The following RNFT2 variants were observed in gnomAD, a reference collection of about 807,000 sequenced individuals.
RNFT2 encodes ring finger protein, transmembrane 2.
A neutral mutation model predicts 53.0 loss-of-function variants in RNFT2; 36 were observed. That is an observed-to-expected ratio of 0.68 (90% CI 0.52 to 0.90). RNFT2 has a LOEUF of 0.90. Among genes scored for constraint, RNFT2 ranks in the 40% least tolerant of loss-of-function variants. The pLI, the probability that RNFT2 is intolerant of heterozygous loss-of-function variation, is 0.00. For missense variants in RNFT2, 514 were observed against 585.6 expected (o/e 0.88, Z 1.26); for synonymous variants, 260 against 253.2 (o/e 1.03, Z -0.26).
At chr12:116,745,461 C>T (rs1871853823) in intron 3 of RNFT2, among the ~76,000 whole-genome samples, 1 of 152,102 alleles carries the variant, frequency 6.6e-6, no homozygotes, top group South Asian at 2.1e-4. Context: ...ATGTGTGAGC[C>T]ACCACACCCA....
chr12:116,809,347 T>A (rs1250003786), intron 7 of RNFT2, among the ~76,000 whole-genome samples: 1 of 152,196 alleles, frequency 6.6e-6, no homozygotes, highest in African/African-American at 2.4e-5. Flanking sequence ...GGAGAGGTCC[T>A]TCCACTTCGT....
At chr12:116,798,796 G>A (rs112278267) in intron 7 of RNFT2, among the ~76,000 whole-genome samples, 3,471 of 148,170 alleles carry the variant, frequency 0.023, 139 homozygotes, top group African/African-American at 0.081. Context: ...GGCTGGGCTC[G>A]AACTCCTAAG....
chr12:116,800,151 C>A (rs899593922), intron 7 of RNFT2, among the ~76,000 whole-genome samples: 1 of 152,058 alleles, frequency 6.6e-6, no homozygotes, highest in African/African-American at 2.4e-5. Flanking sequence ...TGCCATGCTC[C>A]CCCTACAGTC....
At chr12:116,772,066 A>G (rs7314309) in intron 6 of RNFT2, among the ~76,000 whole-genome samples, 144,791 of 152,212 alleles carry the variant, frequency 0.95, 68,916 homozygotes, top group African/African-American at 0.98. Context: ...TGCCCCATCA[A>G]TATTTGTCAA....
intron 7 of RNFT2, among the ~76,000 whole-genome samples, chr12:116,806,397 T>TATATATAGATAG (rs1166246066): frequency 2.3e-5 from 3 of 131,650 alleles, no homozygotes; most frequent in African/African-American, 6.0e-5. Flanking sequence ...TATATATATA[T>TATATATAGATAG]ATAGATAGAT....
At chr12:116,783,225 C>T (rs940188493) in intron 7 of RNFT2, among the ~76,000 whole-genome samples, 3 of 152,214 alleles carry the variant, frequency 2.0e-5, no homozygotes, top group African/African-American at 4.8e-5. Context: ...CTCAGGTCTG[C>T]CTTATGCCAA....
At chr12:116,750,336 C>T in intron 4 of RNFT2, 29 bp downstream of exon 4, 2 of 1,568,640 alleles carry the variant, frequency 1.3e-6, no homozygotes, top group South Asian at 2.3e-5. Flanking sequence ...GGTGTCCTAG[C>T]CATGGGCTTC....
chr12:116,747,956 C>G (rs1238304521), intron 3 of RNFT2, among the ~76,000 whole-genome samples: 1 of 152,038 alleles, frequency 6.6e-6, no homozygotes, highest in African/African-American at 2.4e-5. Context: ...TTTGGGAGGC[C>G]GAGGCGGGCA....
At chr12:116,787,168 C>CA (rs1404470337) in intron 7 of RNFT2, among the ~76,000 whole-genome samples, 1 of 152,080 alleles carries the variant, frequency 6.6e-6, no homozygotes, top group East Asian at 1.9e-4. Context: ...ATAGTTTGTC[C>CA]AAAAAACACC....
intron 3 of RNFT2, among the ~76,000 whole-genome samples, chr12:116,745,780 T>C (rs1346626491): frequency 3.9e-5 from 6 of 152,370 alleles, no homozygotes; most frequent in South Asian, 2.1e-4. Context: ...TGCCTGTTCA[T>C]GTATTCTTTC....
chr12:116,769,534 T>A (rs1008378371), intron 6 of RNFT2, among the ~76,000 whole-genome samples: 2 of 152,196 alleles, frequency 1.3e-5, no homozygotes, highest in Non-Finnish European at 2.9e-5. Flanking sequence ...TGTACGTTTA[T>A]GTCTTAAGTT....
At chr12:116,749,760 T>C in intron 3 of RNFT2, 81 bp from the exon 4 acceptor site, 1 of 1,224,376 alleles carries the variant, frequency 8.2e-7, no homozygotes, top group Non-Finnish European at 1.2e-6. Flanking sequence ...ATAATTGATA[T>C]TATTAGTCCC....
intron 5 of RNFT2, among the ~76,000 whole-genome samples, chr12:116,763,713 A>G (rs1321662828): frequency 6.6e-6 from 1 of 151,414 alleles, no homozygotes; most frequent in Non-Finnish European, 1.5e-5. Context: ...TGGGAGTTGG[A>G]ACTTGCAGTG....
intron 5 of RNFT2, among the ~76,000 whole-genome samples, chr12:116,760,595 A>G (rs535790429): frequency 1.3e-5 from 2 of 152,214 alleles, no homozygotes; most frequent in African/African-American, 4.8e-5. Context: ...TTCTCCTGCA[A>G]ACAGACCTTC....
In RNFT2 at chr12:116,779,292, G is replaced by A. The variant is rs776528264; in HGVS notation, c.826G>A (p.Ala276Thr). The A allele has an allele frequency of 5.6e-6, 9 of 1,613,860 alleles. No homozygotes were observed. Among genetic ancestry groups the A allele is most frequent in the African/African-American group, 2.7e-5 (2 of 74,908 alleles). Residue 276 changes from alanine to threonine, a missense_variant, in exon 7 of 11, where the codon GCC (alanine) becomes ACC (threonine). This residue lies in a region of RNFT2 where 273 missense variants were observed against 334.4 expected (regional missense o/e 0.82). Transcript: ENST00000257575. ...CTTTGTTCTGAAGTACATCACCATC[G>A]CCCTCAAGTGCCTCATCGTGGCCCT... ...ADFVLKYITI[A>T]LKCLIVALPK...
chr12:116,839,759 TGGAA>T (rs555442691), intron 10 of RNFT2, among the ~76,000 whole-genome samples: 19 of 72,704 alleles, frequency 2.6e-4, no homozygotes, highest in East Asian at 9.4e-4. Flanking sequence ...AATGGATAGG[TGGAA>T]GGAAGGAAGG....
chr12:116,840,449 T>A (rs1361979160), intron 10 of RNFT2, among the ~76,000 whole-genome samples: 1 of 152,196 alleles, frequency 6.6e-6, no homozygotes, highest in African/African-American at 2.4e-5. Context: ...TCTCAGGCTT[T>A]GAGATGCCCC....
chr12:116,834,414 C>T (rs548691984), intron 8 of RNFT2, among the ~76,000 whole-genome samples: 98 of 152,174 alleles, frequency 6.4e-4, no homozygotes, highest in African/African-American at 2.2e-3. Flanking sequence ...CCACCACGCC[C>T]GGCCTCCAGT....
At chr12:116,844,217 G>GTT (rs377154469) in intron 10 of RNFT2, among the ~76,000 whole-genome samples, 67 of 149,376 alleles carry the variant, frequency 4.5e-4, no homozygotes, top group African/African-American at 1.6e-3. Context: ...TGTATTATGG[G>GTT]TTTTTTTTTT....
Sources: gnomAD v4.1 joint callset for allele counts (sites outside exome capture counted in the v4.1 genomes callset) on GRCh38, gnomAD v4.1.1 for gene constraint, gnomAD v4.1.1 regional missense constraint, MANE v1.5 for transcripts, NCBI Gene and HGNC (gene_info 2026-07-23, HGNC 2026-07-21) for gene names.